Variants in CDC42BPA observed in about 807,000 individuals in gnomAD.
CDC42BPA encodes CDC42 binding protein kinase alpha.
In CDC42BPA, 80 loss-of-function variants were observed where a neutral mutation model predicts 223.5. The ratio of observed to expected loss-of-function variants is 0.36; its 90% CI spans 0.30 to 0.43. The LOEUF is 0.43. Among genes scored for constraint, CDC42BPA ranks in the 20% least tolerant of loss-of-function variants. The pLI is 1.00. For synonymous variants in CDC42BPA, 694 were observed against 718.6 expected, an observed-to-expected ratio of 0.97 and a Z score of 0.55; for missense variants, 1,743 against 2,099.9, an observed-to-expected ratio of 0.83 and a Z score of 3.32.
intron 17 of CDC42BPA, 111 bp from the exon 18 acceptor site, chr1:227,074,475 T>C (rs1679059002): frequency 2.7e-6 from 2 of 741,404 alleles, no homozygotes; most frequent in African/African-American, 3.6e-5. Context: ...AAAGATAGTC[T>C]TAAATAATTT....
intron 12 of CDC42BPA, among the ~76,000 whole-genome samples, chr1:227,118,875 T>G (rs2482454): frequency 0.63 from 96,146 of 151,936 alleles, 30,586 homozygotes; most frequent in East Asian, 0.74. Context: ...GCTTGAAACC[T>G]CATTAAGCAG....
At chr1:227,274,531 AAAAT>A (rs1686597037) in intron 1 of CDC42BPA, among the ~76,000 whole-genome samples, 1 of 152,214 alleles carries the variant, frequency 6.6e-6, no homozygotes, top group African/African-American at 2.4e-5. Context: ...AACATACGGA[AAAAT>A]AAATATAGAA....
At chr1:227,056,866 A>G (rs1192303308) in intron 21 of CDC42BPA, among the ~76,000 whole-genome samples, 2 of 152,246 alleles carry the variant, frequency 1.3e-5, no homozygotes, top group African/African-American at 4.8e-5. Flanking sequence ...GAAGTACTAT[A>G]TCATTTGGAA....
chr1:227,129,818 C>T (rs1656690793), intron 10 of CDC42BPA, among the ~76,000 whole-genome samples: 2 of 151,400 alleles, frequency 1.3e-5, no homozygotes, highest in African/African-American at 4.9e-5. Flanking sequence ...AGGAACATCA[C>T]CATGTGATAA....
intron 10 of CDC42BPA, among the ~76,000 whole-genome samples, chr1:227,133,004 T>A (rs545284508): frequency 9.3e-4 from 136 of 146,164 alleles, no homozygotes; most frequent in South Asian, 8.9e-3. Flanking sequence ...GTGAGGAGCA[T>A]CTCCGCCCGG....
chr1:227,064,312 A>C (rs975061097), intron 21 of CDC42BPA, among the ~76,000 whole-genome samples: 19 of 152,230 alleles, frequency 1.2e-4, no homozygotes, highest in African/African-American at 4.3e-4. Flanking sequence ...TCAAATTCAA[A>C]ACTTACTTAG....
intron 30 of CDC42BPA, among the ~76,000 whole-genome samples, chr1:227,027,298 C>G (rs939004341): frequency 2.6e-5 from 4 of 152,170 alleles, no homozygotes; most frequent in African/African-American, 9.7e-5. Context: ...CGCAGACTTT[C>G]TGATTTTTCT....
At chr1:227,261,890 G>T (rs1275785119) in intron 1 of CDC42BPA, among the ~76,000 whole-genome samples, 1 of 152,042 alleles carries the variant, frequency 6.6e-6, no homozygotes, top group Non-Finnish European at 1.5e-5. Context: ...AAACATGAGG[G>T]TTTGGAGTCT....
intron 1 of CDC42BPA, among the ~76,000 whole-genome samples, chr1:227,310,441 G>A (rs1693306444): frequency 6.6e-6 from 1 of 152,148 alleles, no homozygotes; most frequent in Non-Finnish European, 1.5e-5. Flanking sequence ...GATTGGAAAG[G>A]GGGAGCCAGG....
chr1:227,107,186 G>C (rs1686082339), intron 14 of CDC42BPA, among the ~76,000 whole-genome samples: 1 of 152,166 alleles, frequency 6.6e-6, no homozygotes, highest in Non-Finnish European at 1.5e-5. Context: ...TCATAAACAT[G>C]AGATGTCTTT....
intron 1 of CDC42BPA, among the ~76,000 whole-genome samples, chr1:227,304,181 C>T (rs1050941526): frequency 2.6e-5 from 4 of 152,080 alleles, no homozygotes; most frequent in Non-Finnish European, 5.9e-5. Flanking sequence ...CCGAGGTGGG[C>T]GCATCACTTG....
chr1:227,100,113 T>C (rs189975875), intron 15 of CDC42BPA, among the ~76,000 whole-genome samples: 3 of 152,024 alleles, frequency 2.0e-5, no homozygotes, highest in East Asian at 3.9e-4. Context: ...GAAAGCTGAG[T>C]ATAACTGATA....
intron 1 of CDC42BPA, among the ~76,000 whole-genome samples, chr1:227,300,760 G>A (rs1691493064): frequency 1.3e-5 from 2 of 152,090 alleles, no homozygotes; most frequent in Admixed American, 1.3e-4. Context: ...TAAAATCTTG[G>A]ACTTCACCAC....
At chr1:227,106,817 CTA>C (rs937209971) in intron 14 of CDC42BPA, among the ~76,000 whole-genome samples, 94 of 152,260 alleles carry the variant, frequency 6.2e-4, no homozygotes, top group African/African-American at 2.2e-3. Context: ...TCTGTAGAAA[CTA>C]TTCTTTCCCC....
At chr1:227,216,300 TG>T (rs2150393998) in intron 2 of CDC42BPA, among the ~76,000 whole-genome samples, 1 of 152,302 alleles carries the variant, frequency 6.6e-6, no homozygotes, top group African/African-American at 2.4e-5. Flanking sequence ...CATCACATCC[TG>T]GTCATGAAAT....
At chr1:227,126,532 AAAG>A (rs1302151245) in intron 11 of CDC42BPA, among the ~76,000 whole-genome samples, 2 of 138,686 alleles carry the variant, frequency 1.4e-5, no homozygotes, top group Non-Finnish European at 3.2e-5. Context: ...AAGAAAGGAA[AAAG>A]AAGAAAAAAA....
chr1:227,044,517 T>C (rs930863920), intron 23 of CDC42BPA, among the ~76,000 whole-genome samples: 4 of 152,224 alleles, frequency 2.6e-5, no homozygotes, highest in Admixed American at 1.3e-4. Flanking sequence ...GAAGTATTCC[T>C]CCTACTTCCT....
intron 34 of CDC42BPA, among the ~76,000 whole-genome samples, chr1:227,009,437 C>A (rs1178796270): frequency 6.6e-6 from 1 of 152,042 alleles, no homozygotes; most frequent in Non-Finnish European, 1.5e-5. Context: ...GAGACATAGC[C>A]TTTCTCTATC....
chr1:227,243,111 G>A (rs1173750287), intron 2 of CDC42BPA, among the ~76,000 whole-genome samples: 2 of 152,174 alleles, frequency 1.3e-5, no homozygotes, highest in Non-Finnish European at 2.9e-5. Context: ...TTGTAAGTGG[G>A]AGCTAAATGA....
Sources: gnomAD v4.1 joint callset for allele counts (sites outside exome capture counted in the v4.1 genomes callset) on GRCh38, gnomAD v4.1.1 for gene constraint, MANE v1.5 for transcripts, NCBI Gene and HGNC (gene_info 2026-07-23, HGNC 2026-07-21) for gene names.